Variants in SAMM50 observed in about 807,000 individuals in gnomAD.
The protein encoded by SAMM50 is SAMM50 sorting and assembly machinery component, also known as sorting and assembly machinery component 50 homolog.
In SAMM50, 47 loss-of-function variants were observed where a neutral mutation model predicts 66.9. The observed-to-expected ratio is 0.70, with a 90% CI of 0.56 to 0.90. SAMM50 has a LOEUF of 0.90. Among genes scored for constraint, SAMM50 ranks in the 40% least tolerant of loss-of-function variants. SAMM50 has a pLI of 0.00. For synonymous variants in SAMM50, 191 were observed against 214.1 expected (o/e 0.89, Z 0.94); for missense variants, 535 against 595.3 (o/e 0.90, Z 1.05).
chr22:43,967,002 C>T (rs1232897998), intron 3 of SAMM50, among the ~76,000 whole-genome samples: 8 of 152,200 alleles, frequency 5.3e-5, no homozygotes, highest in Non-Finnish European at 7.3e-5. Context: ...GTCTGTCCCT[C>T]TTCTTGCGCT....
intron 14 of SAMM50, among the ~76,000 whole-genome samples, chr22:43,990,976 T>TA (rs1197052280): frequency 5.6e-5 from 6 of 106,938 alleles, no homozygotes; most frequent in East Asian, 3.3e-4. Context: ...ATGCATTGTG[T>TA]AAAATTTTTT....
chr22:43,996,467 T>C lies in SAMM50; in HGVS notation c.*84T>C, dbSNP rs1418552023. 7.6e-7 allele frequency: 1 copy of C among 1,312,148 alleles called. No homozygotes were observed. Among genetic ancestry groups the C allele is most frequent in the African/African-American group, 1.5e-5 (1 of 68,832 alleles). The allele number at this position is 1,312,148 out of a possible 1,614,324, so 81.3% of individuals were successfully genotyped here. Reference sequence around the variant, plus strand: ...ACACCGTCTCTCGAGGAAACGCGGTTCAGCGATTCTTTGACTGCGGACCCT... The same window carrying C: ...ACACCGTCTCTCGAGGAAACGCGGTCCAGCGATTCTTTGACTGCGGACCCT... On this transcript the variant is annotated 3_prime_UTR_variant, in exon 15 of 15. Coordinates refer to ENST00000350028, the MANE Select transcript of SAMM50 (RefSeq NM_015380.5).
intron 5 of SAMM50, 25 bp from the exon 6 acceptor site, chr22:43,972,846 C>T: frequency 6.6e-7 from 1 of 1,505,198 alleles, no homozygotes; most frequent in Non-Finnish European, 8.9e-7. Flanking sequence ...TAGACCACTG[C>T]TATTTTTTTT....
At chr22:43,991,993 G>T (rs1004125215) in intron 14 of SAMM50, among the ~76,000 whole-genome samples, 4 of 152,212 alleles carry the variant, frequency 2.6e-5, no homozygotes, top group Non-Finnish European at 5.9e-5. Context: ...TGAATGTTCA[G>T]TCCACAACAG....
At chr22:43,956,781 G>T (rs1001490445) in intron 1 of SAMM50, among the ~76,000 whole-genome samples, 4 of 152,202 alleles carry the variant, frequency 2.6e-5, no homozygotes, top group African/African-American at 4.8e-5. Flanking sequence ...TTGCGGGGAG[G>T]AGTCTTCAAA....
At chr22:43,974,048 G>T (rs964765456) in intron 7 of SAMM50, among the ~76,000 whole-genome samples, 1 of 150,426 alleles carries the variant, frequency 6.6e-6, no homozygotes, top group Non-Finnish European at 1.5e-5. Context: ...CCTTCCTTTC[G>T]CCACTGTTCC....
At chr22:43,995,643 T>G (rs1369116390) in intron 14 of SAMM50, among the ~76,000 whole-genome samples, 1 of 152,186 alleles carries the variant, frequency 6.6e-6, no homozygotes, top group Non-Finnish European at 1.5e-5. Flanking sequence ...GAACAAGGCC[T>G]GTGGGTGCCC....
chr22:43,970,123 A>G (rs1274516089), intron 4 of SAMM50, among the ~76,000 whole-genome samples: 1 of 152,180 alleles, frequency 6.6e-6, no homozygotes, highest in African/African-American at 2.4e-5. Context: ...TGGCTTAGAC[A>G]AGAGAGAAGT....
At chr22:43,955,669 C>T (rs2050115322) in intron 1 of SAMM50, 71 bp downstream of exon 1, 1 of 1,480,572 alleles carries the variant, frequency 6.8e-7, no homozygotes, top group Non-Finnish European at 9.2e-7. Flanking sequence ...CGCGGGGAGA[C>T]GCTCTCGTGG....
chr22:43,970,423 C>G lies in SAMM50; in HGVS notation c.322+1605C>G, dbSNP rs531828466. Reference sequence around the variant, plus strand: ...CTGAGTCCCTCTGATGGCTGAGCACCGTGTCCTCATTCCAGTATTGGAGGA... The same window carrying G: ...CTGAGTCCCTCTGATGGCTGAGCACGGTGTCCTCATTCCAGTATTGGAGGA... On this transcript the variant is annotated intron_variant, in intron 4 of 14. Coordinates refer to ENST00000350028, the MANE Select transcript of SAMM50 (RefSeq NM_015380.5). Among the ~76,000 whole-genome samples the G allele has an allele frequency of 3.9e-5, 6 of 152,290 alleles. No homozygotes were observed. In the East Asian group the frequency reaches 1.2e-3, roughly 29 times the overall value.
chr22:43,980,486 AG>A (rs2050259665), intron 10 of SAMM50, among the ~76,000 whole-genome samples: 1 of 151,410 alleles, frequency 6.6e-6, no homozygotes, highest in South Asian at 2.1e-4. Flanking sequence ...TGAGGGAGCA[AG>A]GGTAGGACAG....
intron 9 of SAMM50, 32 bp from the exon 10 acceptor site, chr22:43,977,840 C>G: frequency 6.8e-7 from 1 of 1,476,028 alleles, no homozygotes. Flanking sequence ...AGTCTGTTTG[C>G]TCCCTTTGAC....
intron 13 of SAMM50, among the ~76,000 whole-genome samples, chr22:43,989,793 A>C (rs559411839): frequency 6.8e-4 from 103 of 150,522 alleles, no homozygotes; most frequent in Admixed American, 1.8e-3. Context: ...CCTTACGAAG[A>C]AAAATCTGTT....
At chr22:43,981,248 A>G (rs2146821620) in intron 10 of SAMM50, 143 bp from the exon 11 acceptor site, 1 of 662,200 alleles carries the variant, frequency 1.5e-6, no homozygotes, top group Non-Finnish European at 2.8e-6. Flanking sequence ...GGGACAAGCC[A>G]GGCATTCTCC....
At chr22:43,957,117 G>A (rs1479934302) in intron 1 of SAMM50, 1 of 869,736 alleles carries the variant, frequency 1.1e-6, no homozygotes, top group Non-Finnish European at 2.0e-6. Flanking sequence ...TCTTAAAATT[G>A]AAGGTGTTTA....
intron 3 of SAMM50, among the ~76,000 whole-genome samples, chr22:43,968,226 C>CAAAAAAAAAAAAAAAAAAAAAA (rs66961907): frequency 8.7e-5 from 6 of 68,614 alleles, no homozygotes; most frequent in Middle Eastern, 8.3e-3. Context: ...AACTCTGTCT[C>CAAAAAAAAAAAAAAAAAAAAAA]AAAAAAAAAA....
intron 9 of SAMM50, 142 bp downstream of exon 9, chr22:43,976,963 G>A (rs933980748): frequency 1.0e-5 from 6 of 572,296 alleles, no homozygotes; most frequent in African/African-American, 7.8e-5. Context: ...TTTGAAGGTC[G>A]CCAGCTCCAC....
intron 1 of SAMM50, among the ~76,000 whole-genome samples, chr22:43,961,639 A>G (rs1388372578): frequency 2.0e-5 from 3 of 152,096 alleles, no homozygotes; most frequent in African/African-American, 7.2e-5. Context: ...TTTAGTAGAG[A>G]TGGAGTTTCA....
At chr22:43,976,320 T>C (rs1603419426) in intron 8 of SAMM50, 137 bp downstream of exon 8, 1 of 965,948 alleles carries the variant, frequency 1.0e-6, no homozygotes, top group Admixed American at 2.3e-5. Flanking sequence ...CGGCCCCCAC[T>C]CCCCGAGGGC....
Sources: allele counts gnomAD v4.1 joint callset (sites outside exome capture counted in the v4.1 genomes callset), GRCh38; gene constraint gnomAD v4.1.1; transcripts MANE v1.5; gene names NCBI Gene and HGNC (gene_info 2026-07-23, HGNC 2026-07-21).